UVRAG: variants seen among roughly 807,000 people sequenced by gnomAD.
UVRAG encodes UV radiation resistance-associated gene protein.
UVRAG carries 19 observed loss-of-function variants against 78.0 expected under a neutral mutation model. The observed-to-expected ratio is 0.24, with a 90% CI of 0.17 to 0.36. UVRAG has a LOEUF of 0.36. UVRAG is among the 10% of genes least tolerant of loss of function. The probability of loss-of-function intolerance (pLI) is 1.00; values close to 1 mark genes in which losing one functional copy is unlikely to be tolerated. For synonymous variants in UVRAG, 323 were observed against 324.6 expected (o/e 1.00, Z 0.05); for missense variants, 740 against 853.8 (o/e 0.87, Z 1.66).
intron 12 of UVRAG, among the ~76,000 whole-genome samples, chr11:76,059,443 A>T (rs1457419955): frequency 2.0e-5 from 3 of 152,242 alleles, no homozygotes; most frequent in Non-Finnish European, 2.9e-5. Flanking sequence ...AAGCAAATTG[A>T]TAAGAGCTTG....
intron 5 of UVRAG, among the ~76,000 whole-genome samples, chr11:75,892,010 G>T (rs1471063474): frequency 6.6e-6 from 1 of 152,164 alleles, no homozygotes; most frequent in Admixed American, 6.5e-5. Context: ...TAAATTATGT[G>T]ACTAAAAGAG....
chr11:75,955,405 A>G (rs77343118), intron 6 of UVRAG, among the ~76,000 whole-genome samples: 2,696 of 152,284 alleles, frequency 0.018, 73 homozygotes, highest in African/African-American at 0.061. Context: ...GAATATTTTC[A>G]GGGTTTAGGG....
intron 13 of UVRAG, among the ~76,000 whole-genome samples, chr11:76,097,167 A>C (rs528143698): frequency 6.6e-6 from 1 of 152,134 alleles, no homozygotes; most frequent in East Asian, 1.9e-4. Flanking sequence ...TTGAGCCTGT[A>C]TAACTGCTCG....
intron 1 of UVRAG, among the ~76,000 whole-genome samples, chr11:75,847,069 C>T (rs570500203): frequency 5.9e-5 from 9 of 152,012 alleles, no homozygotes; most frequent in Non-Finnish European, 7.4e-5. Flanking sequence ...AGGTGATCCA[C>T]CCACCTCGGC....
At chr11:76,089,662 G>A (rs1951659223) in intron 13 of UVRAG, among the ~76,000 whole-genome samples, 1 of 152,164 alleles carries the variant, frequency 6.6e-6, no homozygotes, top group Non-Finnish European at 1.5e-5. Context: ...CTAATTGTGA[G>A]AAACAGTATT....
chr11:76,094,966 C>T (rs1227493991), intron 13 of UVRAG, among the ~76,000 whole-genome samples: 1 of 152,026 alleles, frequency 6.6e-6, no homozygotes, highest in Non-Finnish European at 1.5e-5. Flanking sequence ...AAGTACAAGC[C>T]GATTGCTTGT....
intron 6 of UVRAG, among the ~76,000 whole-genome samples, chr11:75,952,445 G>T (rs532065892): frequency 1.1e-4 from 16 of 146,852 alleles, no homozygotes; most frequent in African/African-American, 3.7e-4. Flanking sequence ...TTTGTTGAGG[G>T]TTTTTTTTTT....
At chr11:76,023,479 C>T (rs1950281489) in intron 12 of UVRAG, among the ~76,000 whole-genome samples, 1 of 144,652 alleles carries the variant, frequency 6.9e-6, no homozygotes, top group African/African-American at 2.8e-5. Context: ...GTTTGTTTGC[C>T]TTACTGCTTG....
At chr11:76,079,779 C>G (rs1158973467) in intron 13 of UVRAG, among the ~76,000 whole-genome samples, 2 of 152,112 alleles carry the variant, frequency 1.3e-5, no homozygotes, top group Non-Finnish European at 2.9e-5. Context: ...CTTGGGAACT[C>G]TAGCATAAGG....
At chr11:75,846,846 C>T (rs1278455781) in intron 1 of UVRAG, among the ~76,000 whole-genome samples, 13 of 150,736 alleles carry the variant, frequency 8.6e-5, no homozygotes, top group Middle Eastern at 3.4e-3. Context: ...TTTTTTGAGA[C>T]GGAGTCTTGC....
chr11:75,845,911 AG>A (rs756854351), intron 1 of UVRAG, among the ~76,000 whole-genome samples: 11 of 152,216 alleles, frequency 7.2e-5, no homozygotes, highest in Non-Finnish European at 1.5e-4. Context: ...CAGACATGAA[AG>A]AAAAAGAAAA....
intron 4 of UVRAG, 69 bp from the exon 5 acceptor site, chr11:75,888,760 C>T: frequency 7.5e-7 from 1 of 1,331,078 alleles, no homozygotes; most frequent in Non-Finnish European, 1.0e-6. Flanking sequence ...TTGTAACTGT[C>T]ATTCTCTGGT....
chr11:76,002,573 G>A (rs922263420), intron 8 of UVRAG, among the ~76,000 whole-genome samples: 2 of 152,170 alleles, frequency 1.3e-5, no homozygotes, highest in African/African-American at 4.8e-5. Context: ...TCTAGTGGTA[G>A]AAGAATTCAT....
chr11:76,097,337 G>T (rs1388476828), intron 13 of UVRAG, among the ~76,000 whole-genome samples: 3 of 152,052 alleles, frequency 2.0e-5, no homozygotes, highest in East Asian at 1.9e-4. Flanking sequence ...GCCACACCAC[G>T]TGCTGTTTCT....
At chr11:75,816,160 T>C (rs548270731) in intron 1 of UVRAG, among the ~76,000 whole-genome samples, 1 of 152,208 alleles carries the variant, frequency 6.6e-6, no homozygotes, top group Non-Finnish European at 1.5e-5. Context: ...TTCATTCCCT[T>C]CAGTGAGTCT....
At chr11:75,866,300 A>C (rs796376738) in intron 3 of UVRAG, among the ~76,000 whole-genome samples, 4 of 151,688 alleles carry the variant, frequency 2.6e-5, no homozygotes, top group African/African-American at 9.7e-5. Context: ...CAGGAGGATC[A>C]TGTAAGCCCA....
At position 76,143,397 on chromosome 11, in the gene UVRAG, A is replaced by G. The variant is rs896406332; in HGVS notation, c.*1984A>G. 1.3e-5 allele frequency among the ~76,000 whole-genome samples: 2 copies of G among 152,208 alleles called. No homozygotes were observed. The highest frequency in any genetic ancestry group is 4.1e-4 in the South Asian group (2 of 4,832). On this transcript the variant is annotated 3_prime_UTR_variant, in exon 15 of 15. Transcript: ENST00000356136. ...GTGTCCATCTCAGGCCCACACAACC[A>G]TGAGAGCCTGGACTCTGGGGTCTAC...
At chr11:76,091,050 T>A (rs1306269831) in intron 13 of UVRAG, among the ~76,000 whole-genome samples, 1 of 152,240 alleles carries the variant, frequency 6.6e-6, no homozygotes, top group Non-Finnish European at 1.5e-5. Flanking sequence ...CATATCCTTC[T>A]ATAGCTTCCT....
At chr11:76,039,167 A>G (rs1358983538) in intron 12 of UVRAG, among the ~76,000 whole-genome samples, 1 of 152,184 alleles carries the variant, frequency 6.6e-6, no homozygotes, top group East Asian at 1.9e-4. Context: ...TGTTAAATGG[A>G]GAGATAACAG....
Sources: allele counts gnomAD v4.1 joint callset (sites outside exome capture counted in the v4.1 genomes callset), GRCh38; gene constraint gnomAD v4.1.1; transcripts MANE v1.5; gene names NCBI Gene and HGNC (gene_info 2026-07-23, HGNC 2026-07-21).